Variants in L3MBTL4 observed in about 807,000 individuals in gnomAD.
L3MBTL4 encodes the protein L3MBTL histone methyl-lysine binding protein 4.
L3MBTL4 carries 70 observed loss-of-function variants against 84.5 expected under a neutral mutation model. The ratio of observed to expected loss-of-function variants is 0.83; its 90% CI spans 0.68 to 1.01. L3MBTL4 has a LOEUF of 1.01. Among genes scored for constraint, L3MBTL4 ranks in the 50% least tolerant of loss-of-function variants. L3MBTL4 has a pLI of 0.00. For synonymous variants in L3MBTL4, 274 were observed against 259.8 expected (o/e 1.05, Z -0.52); for missense variants, 715 against 754.8 (o/e 0.95, Z 0.62).
chr18:5,991,626 T>A (rs1220408741), intron 16 of L3MBTL4, among the ~76,000 whole-genome samples: 1 of 152,130 alleles, frequency 6.6e-6, no homozygotes, highest in Non-Finnish European at 1.5e-5. Flanking sequence ...TAACAAAAAA[T>A]TCACAGCTGC....
intron 14 of L3MBTL4, among the ~76,000 whole-genome samples, chr18:6,099,376 A>G (rs1334780707): frequency 6.6e-6 from 1 of 151,426 alleles, no homozygotes; most frequent in African/African-American, 2.4e-5. Context: ...AGTACTTTTC[A>G]TCTGACTGAA....
At chr18:6,014,664 TG>T (rs756077942) in intron 16 of L3MBTL4, among the ~76,000 whole-genome samples, 5 of 151,556 alleles carry the variant, frequency 3.3e-5, no homozygotes, top group Admixed American at 2.0e-4. Context: ...GAGCTCAGAG[TG>T]GGGCAGGAAG....
chr18:6,033,225 T>C (rs1394664239), intron 16 of L3MBTL4, among the ~76,000 whole-genome samples: 2 of 152,252 alleles, frequency 1.3e-5, no homozygotes, highest in Non-Finnish European at 1.5e-5. Flanking sequence ...TTTATTAATA[T>C]ATAATGTCTT....
intron 14 of L3MBTL4, among the ~76,000 whole-genome samples, chr18:6,095,419 C>T (rs1568112392): frequency 1.4e-5 from 2 of 143,196 alleles, no homozygotes; most frequent in African/African-American, 5.5e-5. Flanking sequence ...GCGATGATCT[C>T]GGCTCACTGC....
At chr18:6,190,962 A>G (rs1204364190) in intron 12 of L3MBTL4, among the ~76,000 whole-genome samples, 1 of 152,174 alleles carries the variant, frequency 6.6e-6, no homozygotes, top group Admixed American at 6.5e-5. Flanking sequence ...TGGCTGGAGT[A>G]GACAGCACAT....
At chr18:6,186,449 G>A (rs924527420) in intron 12 of L3MBTL4, among the ~76,000 whole-genome samples, 1 of 152,190 alleles carries the variant, frequency 6.6e-6, no homozygotes, top group Non-Finnish European at 1.5e-5. Context: ...CTAATGGAAG[G>A]CCCTGCCGAG....
chr18:6,225,969 A>G (rs1284399074), intron 10 of L3MBTL4, among the ~76,000 whole-genome samples: 6 of 152,338 alleles, frequency 3.9e-5, no homozygotes, highest in Admixed American at 3.3e-4. Context: ...AATTTAAGCT[A>G]CAGGAAATTA....
chr18:6,194,036 A>G (rs981720247), intron 12 of L3MBTL4, among the ~76,000 whole-genome samples: 5 of 152,200 alleles, frequency 3.3e-5, no homozygotes, highest in Admixed American at 6.5e-5. Context: ...CCTCCAGTCA[A>G]GCTTTCCAAA....
At chr18:6,091,174 T>C (rs944132199) in intron 15 of L3MBTL4, among the ~76,000 whole-genome samples, 1 of 152,212 alleles carries the variant, frequency 6.6e-6, no homozygotes, top group Non-Finnish European at 1.5e-5. Flanking sequence ...AGTTAAAATA[T>C]GTTTTATCTG....
chr18:6,262,960 A>T (rs2048470453), intron 5 of L3MBTL4, among the ~76,000 whole-genome samples: 1 of 152,228 alleles, frequency 6.6e-6, no homozygotes, highest in African/African-American at 2.4e-5. Flanking sequence ...TAAACCAAAT[A>T]AAAAGTTGTA....
At chr18:6,295,340 C>CTATATATATATA (rs1477775190) in intron 4 of L3MBTL4, among the ~76,000 whole-genome samples, 3 of 122,714 alleles carry the variant, frequency 2.4e-5, no homozygotes, top group Admixed American at 1.6e-4. Context: ...CTCTCTCTCT[C>CTATATATATATA]TCTCTCTATA....
chr18:6,017,700 A>T (rs894500404), intron 16 of L3MBTL4: 17 of 151,638 alleles, frequency 1.1e-4, no homozygotes, highest in African/African-American at 3.9e-4. Context: ...TAATTCTTTT[A>T]TTTTTTTTTA....
intron 5 of L3MBTL4, among the ~76,000 whole-genome samples, chr18:6,257,448 G>A (rs1006691783): frequency 1.3e-5 from 2 of 151,998 alleles, no homozygotes; most frequent in South Asian, 2.1e-4. Context: ...CTGGAGGTGG[G>A]AAAGAAGGTT....
Position 5,960,059 on chromosome 18 carries a change from TAC to T in L3MBTL4, c.1677+33_1677+34del, listed in dbSNP as rs754391583. 8.9e-4 allele frequency: 354 copies of T among 397,922 alleles called. 5 individuals carry two copies. The highest frequency in any genetic ancestry group is 2.9e-3 in the East Asian group (48 of 16,482). The allele number at this position is 397,922 out of a possible 1,614,324, so 24.6% of individuals were successfully genotyped here. A position where few individuals can be genotyped will look rare whatever the true frequency, so the allele number is the denominator to read the frequency against. ...ATATACACACACATATATATATATATACATATATATATATATAATTTTTGCAT... is the reference window on the plus strand; with the variant it reads ...ATATACACACACATATATATATATATATATATATATATATAATTTTTGCAT... On this transcript the variant is annotated intron_variant, in intron 18 of 18. Coordinates refer to ENST00000317931, the MANE Select transcript of L3MBTL4 (RefSeq NM_001330559.2).
chr18:6,186,333 T>C (rs1190048345), intron 12 of L3MBTL4, among the ~76,000 whole-genome samples: 2 of 152,008 alleles, frequency 1.3e-5, no homozygotes, highest in African/African-American at 4.8e-5. Context: ...TGAGCCACCA[T>C]GCCTGGCCAA....
chr18:6,235,953 T>C (rs2047200127), intron 10 of L3MBTL4, among the ~76,000 whole-genome samples: 1 of 152,164 alleles, frequency 6.6e-6, no homozygotes, highest in Non-Finnish European at 1.5e-5. Context: ...AAGGCCTTTA[T>C]AAATGGAAAG....
chr18:6,315,907 A>T (rs1008214947), intron 1 of L3MBTL4, among the ~76,000 whole-genome samples: 1 of 152,218 alleles, frequency 6.6e-6, no homozygotes, highest in Non-Finnish European at 1.5e-5. Flanking sequence ...ATTATGTATT[A>T]ATTCTGCACC....
intron 14 of L3MBTL4, among the ~76,000 whole-genome samples, chr18:6,099,585 A>AATATATATATATATATATATCTATATAT (rs2058744854): frequency 1.5e-5 from 1 of 64,700 alleles, no homozygotes; most frequent in African/African-American, 3.5e-5. Context: ...AGATAATGTA[A>AATATATATATATATATATATCTATATAT]ATATATATAT....
chr18:6,156,026 C>T (rs895583279), intron 13 of L3MBTL4, among the ~76,000 whole-genome samples: 1 of 152,116 alleles, frequency 6.6e-6, no homozygotes, highest in African/African-American at 2.4e-5. Flanking sequence ...TACCATTAAG[C>T]TTGTCCTTAA....
Sources: gnomAD v4.1 joint callset for allele counts (sites outside exome capture counted in the v4.1 genomes callset) on GRCh38, gnomAD v4.1.1 for gene constraint, MANE v1.5 for transcripts, NCBI Gene and HGNC (gene_info 2026-07-23, HGNC 2026-07-21) for gene names.